Variants in MYO6 observed in about 807,000 individuals in gnomAD.
MYO6 encodes the protein unconventional myosin-VI.
Under a neutral mutation model 178.7 loss-of-function variants are expected in MYO6, and 74 were observed. The ratio of observed to expected loss-of-function variants is 0.41; its 90% confidence interval spans 0.34 to 0.50. The LOEUF (loss-of-function observed/expected upper bound fraction) is 0.50, where lower values mean the gene tolerates loss of function less well. Among genes scored for constraint, MYO6 ranks in the 20% least tolerant of loss-of-function variants. The pLI is 0.09. For missense variants in MYO6, 1,330 were observed against 1,547.4 expected (o/e 0.86, Z 2.36); for synonymous variants, 477 against 504.6 (o/e 0.95, Z 0.73).
chr6:75,903,402 G>A (rs964474580), intron 30 of MYO6, among the ~76,000 whole-genome samples: 2 of 151,438 alleles, frequency 1.3e-5, no homozygotes, highest in Non-Finnish European at 3.0e-5. Context: ...TTATGAATCT[G>A]GGTGCTCCTG....
At position 75,890,082 on chromosome 6, in the gene MYO6, T is replaced by C; in HGVS notation, c.2684T>C (p.Ile895Thr). Residue 895 changes from isoleucine to threonine, a missense_variant, in exon 26 of 35, where the codon ATC becomes ACC. By Grantham distance (89) the Ile-to-Thr change is moderately conservative. Around this residue, in one of 3 missense-constraint regions of MYO6, gnomAD observed 601 missense variants for 626.1 expected, o/e 0.96. Coordinates refer to ENST00000369977, the MANE Select transcript of MYO6 (RefSeq NM_004999.4). The stretch of plus-strand genomic sequence containing the variant: ...TCCACTATGATGACGCAGGAACAAA[T>C]CCAGAAAGAATATGATGCACTGGTT... ...IKSTMMTQEQ[I>T]QKEYDALVKS... is the part of the protein sequence containing the mutation. The C allele has an allele frequency of 6.2e-7, 1 of 1,612,616 alleles. No individual in the cohort carries two copies. Among genetic ancestry groups the C allele is most frequent in the South Asian group, 1.1e-5 (1 of 90,992 alleles).
intron 27 of MYO6, among the ~76,000 whole-genome samples, chr6:75,891,648 A>C (rs1244488466): frequency 6.6e-6 from 1 of 152,128 alleles, no homozygotes; most frequent in Non-Finnish European, 1.5e-5. Context: ...AATAAAAAAT[A>C]AAAAATAAAT....
At chr6:75,888,136 CAA>C (rs947534041) in intron 25 of MYO6, among the ~76,000 whole-genome samples, 13 of 150,570 alleles carry the variant, frequency 8.6e-5, no homozygotes, top group African/African-American at 2.4e-4. Flanking sequence ...CTGAAAATAC[CAA>C]AGTTAGCCAG....
At chr6:75,806,403 AT>A (rs1237551891) in intron 1 of MYO6, among the ~76,000 whole-genome samples, 1 of 149,128 alleles carries the variant, frequency 6.7e-6, no homozygotes, top group Non-Finnish European at 1.5e-5. Flanking sequence ...AAAAAAAAAA[AT>A]TAATAGAAGG....
intron 11 of MYO6, among the ~76,000 whole-genome samples, chr6:75,851,573 C>T (rs572947799): frequency 6.6e-5 from 10 of 151,534 alleles, no homozygotes; most frequent in South Asian, 4.2e-4. Flanking sequence ...GAGGCTGAGG[C>T]GGGAGGGTTA....
chr6:75,802,929 A>C (rs1263579048), intron 1 of MYO6, among the ~76,000 whole-genome samples: 1 of 152,192 alleles, frequency 6.6e-6, no homozygotes, highest in Non-Finnish European at 1.5e-5. Flanking sequence ...CTGATACTTT[A>C]ATATCTGTGA....
At chr6:75,914,601 C>T (rs1391994595) in intron 34 of MYO6, among the ~76,000 whole-genome samples, 1 of 152,052 alleles carries the variant, frequency 6.6e-6, no homozygotes, top group Non-Finnish European at 1.5e-5. Flanking sequence ...CTTGTTTGAT[C>T]AATAGCAGTG....
chr6:75,890,784 C>T (rs1414582382), intron 26 of MYO6, among the ~76,000 whole-genome samples: 1 of 152,078 alleles, frequency 6.6e-6, no homozygotes, highest in African/African-American at 2.4e-5. Context: ...CCTCTTACAC[C>T]TGAGGATTTT....
intron 1 of MYO6, among the ~76,000 whole-genome samples, chr6:75,771,210 C>G (rs961490635): frequency 1.3e-5 from 2 of 151,640 alleles, no homozygotes; most frequent in Non-Finnish European, 2.9e-5. Context: ...TCATGTTGTC[C>G]AGGCTTGTCT....
At position 75,915,961 on chromosome 6, in the gene MYO6, T is replaced by G. The variant is rs1781095795; in HGVS notation, c.*949T>G. On this transcript the variant is annotated 3_prime_UTR_variant, in exon 35 of 35. Coordinates refer to ENST00000369977, the MANE Select transcript of MYO6 (RefSeq NM_004999.4). ...TTTTAAGAAATTCCTAGTGTCTTTT[T>G]TGGCCTTTGAGGTTTTGGTAATTGT... is the stretch of plus-strand genomic sequence containing the variant. 1 of 152,658 alleles carries G rather than the reference T, an allele frequency of 6.6e-6. No individual in the cohort carries two copies. Among genetic ancestry groups the G allele is most frequent in the Non-Finnish European group, 1.5e-5 (1 of 68,036 alleles). The allele number at this position is 152,658 out of a possible 1,614,324, so 9.5% of individuals were successfully genotyped here.
intron 1 of MYO6, among the ~76,000 whole-genome samples, chr6:75,767,561 T>C (rs1359178909): frequency 3.4e-5 from 5 of 146,712 alleles, no homozygotes; most frequent in African/African-American, 1.3e-4. Context: ...TCACTGTTGC[T>C]CAGGCTGGAG....
chr6:75,915,523 G>C lies in MYO6; in HGVS notation c.*511G>C. The stretch of plus-strand genomic sequence containing the variant: ...ACATTTTTGGAAATTTCCATTAAAG[G>C]TGGAAAATCTATTTTTTTCCTCCTT... On this transcript the variant is annotated 3_prime_UTR_variant, in exon 35 of 35. Coordinates refer to ENST00000369977, the MANE Select transcript of MYO6 (RefSeq NM_004999.4). 6.0e-6 allele frequency: 1 copy of C among 165,760 alleles called. No individual in the cohort carries two copies. Among genetic ancestry groups the C allele is most frequent in the Non-Finnish European group, 1.3e-5 (1 of 75,344 alleles). 10.3% of individuals were successfully genotyped at this position (165,760 alleles called of 1,614,324 possible).
chr6:75,829,408 G>A (rs989757359), intron 4 of MYO6, among the ~76,000 whole-genome samples: 2 of 151,906 alleles, frequency 1.3e-5, no homozygotes, highest in South Asian at 2.1e-4. Context: ...ATTTTTGAAC[G>A]AAGAAAACAC....
intron 1 of MYO6, among the ~76,000 whole-genome samples, chr6:75,761,239 G>A (rs1777917744): frequency 6.6e-6 from 1 of 152,106 alleles, no homozygotes; most frequent in Non-Finnish European, 1.5e-5. Flanking sequence ...TGAATGTAAA[G>A]TGAAAAACTA....
At chr6:75,889,755 T>G (rs1053668654) in intron 25 of MYO6, among the ~76,000 whole-genome samples, 1 of 152,172 alleles carries the variant, frequency 6.6e-6, no homozygotes, top group Non-Finnish European at 1.5e-5. Flanking sequence ...TATCCACAGA[T>G]TACCTGTCTA....
At chr6:75,769,334 C>G (rs138887429) in intron 1 of MYO6, among the ~76,000 whole-genome samples, 78 of 152,328 alleles carry the variant, frequency 5.1e-4, no homozygotes, top group African/African-American at 1.8e-3. Context: ...AGACTCATCT[C>G]CTTCCACCCA....
At chr6:75,901,209 C>T (rs1029023214) in intron 30 of MYO6, among the ~76,000 whole-genome samples, 11 of 152,030 alleles carry the variant, frequency 7.2e-5, no homozygotes, top group African/African-American at 2.7e-4. Context: ...ATTGACTTGG[C>T]GATGCGGGCT....
intron 1 of MYO6, among the ~76,000 whole-genome samples, chr6:75,764,097 C>G (rs1195305381): frequency 6.6e-6 from 1 of 152,090 alleles, no homozygotes; most frequent in African/African-American, 2.4e-5. Flanking sequence ...CCTGGCTGGA[C>G]TGCATTCGTA....
chr6:75,787,681 TC>T lies in MYO6; in HGVS notation c.-47-29819del, dbSNP rs1767721344. Among the ~76,000 whole-genome samples, 4 of 12,580 alleles carry T rather than the reference TC, an allele frequency of 3.2e-4. No individual in the cohort carries two copies. In the Admixed American group the frequency reaches 4.6e-3, roughly 14 times the overall value. 8.3% of individuals were successfully genotyped at this position (12,580 alleles called of 152,430 possible). On this transcript the variant is annotated intron_variant, in intron 1 of 34. Transcript: ENST00000369977. ...TATATGGGGGAATGGAACTATTCTC[TC>T]TCTCTCTCTCTCTCTCTCTCTCTCT...
Sources: allele counts gnomAD v4.1 joint callset (sites outside exome capture counted in the v4.1 genomes callset), GRCh38; gene constraint gnomAD v4.1.1; regional missense constraint gnomAD v4.1.1; transcripts MANE v1.5; gene names NCBI Gene and HGNC (gene_info 2026-07-23, HGNC 2026-07-21).